UBE3B: variants seen among roughly 807,000 people sequenced by gnomAD.
The protein encoded by UBE3B is ubiquitin-protein ligase E3B.
Under a neutral mutation model 132.3 loss-of-function variants are expected in UBE3B, and 80 were observed. The observed-to-expected ratio is 0.60, with a 90% CI of 0.50 to 0.73. The LOEUF (loss-of-function observed/expected upper bound fraction) is 0.73. Ranked by LOEUF, UBE3B falls within the 30% of genes least tolerant of loss-of-function variation. UBE3B has a pLI of 0.00. For synonymous variants in UBE3B, 487 were observed against 520.4 expected, an observed-to-expected ratio of 0.94 and a Z score of 0.87; for missense variants, 1,196 against 1,362.5, an observed-to-expected ratio of 0.88 and a Z score of 1.92.
At chr12:109,523,885 C>T (rs1420332633) in intron 21 of UBE3B, 93 bp from the exon 22 acceptor site, 2 of 1,551,468 alleles carry the variant, frequency 1.3e-6, no homozygotes, top group Non-Finnish European at 1.7e-6. Context: ...GCCGATGGCA[C>T]CCCTGGGCCA....
chr12:109,538,576 C>T (rs2136171305), downstream of UBE3B, among the ~76,000 whole-genome samples: 1 of 152,354 alleles, frequency 6.6e-6, no homozygotes, highest in Middle Eastern at 3.4e-3. The surrounding 1 kb of genome is among the most constrained non-coding windows in gnomAD (Gnocchi z 4.1). Flanking sequence ...ACCAAGTACG[C>T]ATCCGTTAGT....
chr12:109,544,335 G>T, the UBE3B span, among the ~76,000 whole-genome samples: 4 of 141,076 alleles, frequency 2.8e-5, no homozygotes, highest in Admixed American at 1.5e-4. Flanking sequence ...GTGTGGACTG[G>T]AATGTTCTAG....
chr12:109,524,798 C>T (rs574723857), intron 23 of UBE3B, among the ~76,000 whole-genome samples: 8 of 152,086 alleles, frequency 5.3e-5, no homozygotes, highest in East Asian at 1.9e-4. Context: ...GAGGATTAGC[C>T]GTTACAAATG....
chr12:109,504,849 G>T (rs1393448289), intron 14 of UBE3B, among the ~76,000 whole-genome samples: 4 of 151,186 alleles, frequency 2.6e-5, no homozygotes, highest in Admixed American at 2.0e-4. Flanking sequence ...CTGTCGCCCA[G>T]GCTGTAGTGC....
At chr12:109,503,752 T>C (rs561741092) in intron 14 of UBE3B, among the ~76,000 whole-genome samples, 28 of 152,336 alleles carry the variant, frequency 1.8e-4, no homozygotes, top group African/African-American at 6.5e-4. Context: ...GAGCACAGAA[T>C]TGGGTATCAC....
chr12:109,509,780 G>T, intron 16 of UBE3B, 66 bp downstream of exon 16: 1 of 960,504 alleles, frequency 1.0e-6, no homozygotes. Context: ...AGAGTCTATG[G>T]CATCAACTGA....
intron 8 of UBE3B, chr12:109,490,246 C>G: frequency 1.0e-6 from 1 of 970,498 alleles, no homozygotes; most frequent in Non-Finnish European, 1.5e-6. Context: ...AAGGGTAATC[C>G]AGTCTTTTGA....
At position 109,507,287 on chromosome 12, in the gene UBE3B, G is replaced by A. The variant is rs1879809558; in HGVS notation, c.1451-277G>A. On this transcript the variant is annotated intron_variant, in intron 14 of 27. Transcript: ENST00000342494. ...TGTGCTTCAGTTTCCTCCTGTATAA[G>A]ATGGGGATAACACTGGGCTTCAGAA... 1.3e-5 allele frequency among the ~76,000 whole-genome samples: 2 copies of A among 152,198 alleles called. 1 individual carries two copies. Among genetic ancestry groups the A allele is most frequent in the South Asian group, 4.1e-4 (2 of 4,834 alleles).
At position 109,490,093 on chromosome 12, in the gene UBE3B, GTCC is replaced by G. The variant is rs1335683802; in HGVS notation, c.630+95_630+97del. On this transcript the variant is annotated intron_variant, in intron 8 of 27. Transcript: ENST00000342494. ...TACATTTGCATTCAGCATACCTGGT[GTCC>G]TCCTCAGAAACACTTTTCATAGGAA... The G allele has an allele frequency of 3.9e-6, 5 of 1,291,268 alleles. No individual in the cohort carries two copies. The Admixed American group carries it at 5.1e-5, about 13-fold the overall frequency. The allele number at this position is 1,291,268 out of a possible 1,614,324, so 80.0% of individuals were successfully genotyped here. A position where few individuals can be genotyped will look rare whatever the true frequency, so the allele number is the denominator to read the frequency against.
intron 26 of UBE3B, among the ~76,000 whole-genome samples, chr12:109,532,989 G>A (rs1187598174): frequency 6.6e-6 from 1 of 152,202 alleles, no homozygotes; most frequent in Non-Finnish European, 1.5e-5. Context: ...GTGAGTGCGG[G>A]TCTCCCGGGC....
At chr12:109,480,214 G>A (rs998920732) in intron 1 of UBE3B, among the ~76,000 whole-genome samples, 10 of 149,116 alleles carry the variant, frequency 6.7e-5, no homozygotes, top group Non-Finnish European at 1.3e-4. Context: ...TAATCCTTGT[G>A]TCTATAAAAA....
At chr12:109,525,054 G>A (rs986326126) in intron 23 of UBE3B, among the ~76,000 whole-genome samples, 1 of 152,204 alleles carries the variant, frequency 6.6e-6, no homozygotes. Flanking sequence ...TCCAAGGGCC[G>A]CTCAGGAGAA....
downstream of UBE3B, among the ~76,000 whole-genome samples, chr12:109,539,742 G>A (rs73414054): frequency 0.023 from 3,498 of 152,244 alleles, 120 homozygotes; most frequent in African/African-American, 0.079. Flanking sequence ...TTTGGCTGAC[G>A]TTAACAGGAC....
intron 14 of UBE3B, among the ~76,000 whole-genome samples, chr12:109,504,592 A>G (rs1347898400): frequency 1.3e-5 from 2 of 152,266 alleles, no homozygotes; most frequent in South Asian, 4.1e-4. Flanking sequence ...GACAAGGGAA[A>G]GGGGCCTGCT....
chr12:109,538,452 G>C (rs75632822), downstream of UBE3B, among the ~76,000 whole-genome samples: 7,642 of 152,272 alleles, frequency 0.05, 584 homozygotes, highest in African/African-American at 0.17. The surrounding 1 kb of genome is among the most constrained non-coding windows in gnomAD (Gnocchi z 4.1). Flanking sequence ...GCCCCACGTG[G>C]AGGGCAGCCT....
chr12:109,510,502 T>C, intron 17 of UBE3B, 44 bp downstream of exon 17: 3 of 1,494,132 alleles, frequency 2.0e-6, no homozygotes, highest in Non-Finnish European at 2.8e-6. Context: ...GCCAGCCTGC[T>C]CCGGCACGCT....
Position 109,529,971 on chromosome 12 carries a change from C to T in UBE3B, c.2709C>T (p.Phe903=). The change falls in exon 25 of 28, where the codon TTC becomes TTT. Residue 903 remains phenylalanine, a synonymous_variant. Coordinates refer to ENST00000342494, the MANE Select transcript of UBE3B (RefSeq NM_130466.4). ...KNQTAALISG[F]RSIIKPEWIR... ...AAACAGCTGCCCTCATTAGCGGATT[C>T]CGTTCCATTATCAAACCCGAGTGGA... 2 of 1,614,162 alleles carry T rather than the reference C, an allele frequency of 1.2e-6. No individual in the cohort carries two copies. Among genetic ancestry groups the T allele is most frequent in the South Asian group, 2.2e-5 (2 of 91,088 alleles).
chr12:109,547,567 A>G, the UBE3B span, among the ~76,000 whole-genome samples: 1 of 152,232 alleles, frequency 6.6e-6, no homozygotes, highest in Admixed American at 6.5e-5. This position sits in a 1 kb window ranked among gnomAD's most constrained non-coding sequence, Gnocchi z 4.1. Flanking sequence ...GGTGTATTCA[A>G]TTATAGGTTT....
At position 109,507,801 on chromosome 12, in the gene UBE3B, G is replaced by C; in HGVS notation, c.1622+66G>C. ...ATGGAGAGACCAAAATACAGTGTCAGTAAGGAAGTAATTGCTAATGTGATT... is the reference window on the plus strand; with the variant it reads ...ATGGAGAGACCAAAATACAGTGTCACTAAGGAAGTAATTGCTAATGTGATT... On this transcript the variant is annotated intron_variant, in intron 15 of 27. Transcript: ENST00000342494. 4 of 1,526,982 alleles carry C rather than the reference G, an allele frequency of 2.6e-6. No homozygotes were observed. The South Asian group carries it at 5.0e-5, about 19-fold the overall frequency. 94.6% of individuals were successfully genotyped at this position (1,526,982 alleles called of 1,614,324 possible).
Sources: gnomAD v4.1 joint callset for allele counts (sites outside exome capture counted in the v4.1 genomes callset) on GRCh38, gnomAD v4.1.1 for gene constraint, Gnocchi (gnomAD v3.1) non-coding constraint, MANE v1.5 for transcripts, NCBI Gene and HGNC (gene_info 2026-07-23, HGNC 2026-07-21) for gene names.